Variants in SPHK2 observed in about 807,000 individuals in gnomAD.
The protein encoded by SPHK2 is sphingosine kinase 2.
SPHK2 carries 18 observed loss-of-function variants against 32.3 expected under a neutral mutation model. The ratio of observed to expected loss-of-function variants is 0.56; its 90% CI spans 0.39 to 0.83. The LOEUF is 0.83. SPHK2 is among the 40% of genes least tolerant of loss of function. SPHK2 has a pLI of 0.00. For synonymous variants in SPHK2, 462 were observed against 417.6 expected (o/e 1.11, Z -1.30); for missense variants, 850 against 908.7 (o/e 0.94, Z 0.83).
Position 48,626,314 on chromosome 19 carries a change from A to G in SPHK2, c.463A>G (p.Thr155Ala). 1.3e-6 allele frequency: 2 copies of G among 1,595,372 alleles called. No individual in the cohort carries two copies. Among genetic ancestry groups the G allele is most frequent in the Non-Finnish European group, 1.7e-6 (2 of 1,178,394 alleles). ...ENRAEAQRWATALTCLLRGLP... is the reference protein window; with the variant it reads ...ENRAEAQRWAAALTCLLRGLP... ...CCGTGCCGAGGCCCAGCGCTGGGCC[A>G]CTGCCCTCACCTGTCTGCTCCGAGG... is the stretch of plus-strand genomic sequence containing the variant. Residue 155 changes from threonine to alanine, a missense_variant, in exon 3 of 7, where the codon ACT becomes GCT. By Grantham distance (58) the Thr-to-Ala change is moderately conservative. Coordinates refer to ENST00000245222, the MANE Select transcript of SPHK2 (RefSeq NM_020126.5).
Position 48,625,906 on chromosome 19 carries a change from C to T in SPHK2, c.55C>T (p.Leu19=), listed in dbSNP as rs1445199184. The T allele has an allele frequency of 6.2e-7, 1 of 1,611,946 alleles. No homozygotes were observed. Among genetic ancestry groups the T allele is most frequent in the East Asian group, 2.2e-5 (1 of 44,870 alleles). Residue 19 remains leucine (L), a synonymous_variant, in exon 3 of 7, where the codon CTG becomes TTG. Transcript: ENST00000245222. The part of the protein sequence containing the change: ...EQQDQRPDQE[L]TGSWGHGPRS... ...CTTCCCACAGAGGCCAGACCAGGAG[C>T]TGACCGGGAGCTGGGGCCACGGGCC...
rs1306216857 is a variant in SPHK2 at position 48,620,264 on chromosome 19, G to A, written c.-113-138G>A. ...GCAACCAGATGGACTGGCTGGGGCA[G>A]TGATTAAAATGACTTATCTACTCTT... On this transcript the variant is annotated intron_variant, in intron 1 of 6. Coordinates refer to ENST00000245222, the MANE Select transcript of SPHK2 (RefSeq NM_020126.5). 7 of 492,554 alleles carry A rather than the reference G, an allele frequency of 1.4e-5. No homozygotes were observed. In the East Asian group the frequency reaches 2.2e-4, roughly 15 times the overall value. 30.5% of individuals were successfully genotyped at this position (492,554 alleles called of 1,614,324 possible).
intron 2 of SPHK2, 92 bp from the exon 3 acceptor site, chr19:48,625,799 C>T (rs752863328): frequency 1.2e-5 from 19 of 1,541,720 alleles, no homozygotes; most frequent in South Asian, 2.4e-5. Context: ...GCCACTGCCC[C>T]TCATTGTCTC....
chr19:48,628,837 G>A lies in SPHK2; in HGVS notation c.1029G>A (p.Val343=), dbSNP rs954567411. The A allele has an allele frequency of 1.9e-6, 3 of 1,613,772 alleles. No individual in the cohort carries two copies. Among genetic ancestry groups the A allele is most frequent in the South Asian group, 2.2e-5 (2 of 91,090 alleles). Residue 343 remains valine, a synonymous_variant, in exon 7 of 7, where the codon GTG becomes GTA. Coordinates refer to ENST00000245222, the MANE Select transcript of SPHK2 (RefSeq NM_020126.5). The surrounding 1 kb of genome is among the most constrained non-coding windows in gnomAD (Gnocchi z 5.2). ...LSVAWGFVSD[V]DIQSERFRAL... is the part of the protein sequence containing the mutation. ...TGGCCTGGGGCTTCGTGTCAGATGTGGATATCCAGAGCGAGCGCTTCAGGG... is the reference window on the plus strand; with the variant it reads ...TGGCCTGGGGCTTCGTGTCAGATGTAGATATCCAGAGCGAGCGCTTCAGGG...
intron 1 of SPHK2, 176 bp downstream of exon 1, chr19:48,619,719 C>T (rs1974322052): frequency 1.2e-5 from 2 of 161,426 alleles, no homozygotes; most frequent in South Asian, 2.8e-4. Flanking sequence ...TGCTGCACCT[C>T]AATCTATAGC....
In SPHK2 at chr19:48,629,291, C is replaced by G. The variant is rs749261400; in HGVS notation, c.1483C>G (p.Pro495Ala). The G allele has an allele frequency of 9.9e-6, 16 of 1,613,496 alleles. No individual in the cohort carries two copies. Among genetic ancestry groups the G allele is most frequent in the Non-Finnish European group, 1.3e-5 (15 of 1,179,992 alleles). ...CTCCGAAGGGGCCCCCGTAATTCCC[C>G]CATCCTCTGGGCTCCCACTTCCCAC... ...PVSEGAPVIP[P>A]SSGLPLPTPD... Residue 495 changes from proline (P) to alanine (A), a missense_variant, in exon 7 of 7, where the codon CCA becomes GCA. Coordinates refer to ENST00000245222, the MANE Select transcript of SPHK2 (RefSeq NM_020126.5).
chr19:48,620,659 C>G (rs1216050705), intron 2 of SPHK2, 106 bp downstream of exon 2: 2 of 1,005,044 alleles, frequency 2.0e-6, no homozygotes, highest in Non-Finnish European at 2.9e-6. Flanking sequence ...CGTGGTAGCT[C>G]AAGCTTGTAA....
At chr19:48,624,937 G>C in intron 2 of SPHK2, 1 of 986,632 alleles carries the variant, frequency 1.0e-6, no homozygotes, top group Non-Finnish European at 1.2e-6. Flanking sequence ...CTGGCAGGTG[G>C]CTGGGCGGGG....
rs148710464 is a variant in SPHK2, at chr19:48,626,084, G to C, written c.233G>C (p.Arg78Pro). Residue 78 changes from arginine (R) to proline (P), a missense_variant, in exon 3 of 7, where the codon CGG (arginine) becomes CCG (proline). Physicochemically the swap from Arg to Pro is moderately radical, Grantham distance 103 (BLOSUM62 -2). Around this residue, in one of 2 missense-constraint regions of SPHK2, gnomAD observed 544 missense variants for 640.0 expected, o/e 0.85. Transcript: ENST00000245222. ...ACATCGCAGGCCCTGCACATACAGC[G>C]GCTGCGCCCCAAACCTGAAGCCAGG... is the stretch of plus-strand genomic sequence containing the variant. Reference protein sequence around the residue: ...TLTSQALHIQRLRPKPEARPR... With the variant: ...TLTSQALHIQPLRPKPEARPR... 1.1e-5 allele frequency: 18 copies of C among 1,612,812 alleles called. No homozygotes were observed. The highest frequency in any genetic ancestry group is 1.4e-5 in the Non-Finnish European group (17 of 1,179,626).
In SPHK2 at chr19:48,628,361, C is replaced by T. The variant is rs565989007; in HGVS notation, c.872+84C>T. The T allele has an allele frequency of 1.5e-6, 2 of 1,314,836 alleles. No individual in the cohort carries two copies. Among genetic ancestry groups the T allele is most frequent in the East Asian group, 2.3e-5 (1 of 43,596 alleles). The allele number at this position is 1,314,836 out of a possible 1,614,324, so 81.4% of individuals were successfully genotyped here. ...TATATCTCCCACTCAGCCAAACCCACAGTCAGTCAAGTAAATCAGCCTGCC... is the reference window on the plus strand; with the variant it reads ...TATATCTCCCACTCAGCCAAACCCATAGTCAGTCAAGTAAATCAGCCTGCC... On this transcript the variant is annotated intron_variant, in intron 6 of 6. Transcript: ENST00000245222. This position sits in a 1 kb window ranked among gnomAD's most constrained non-coding sequence, Gnocchi z 5.2.
At chr19:48,627,887 C>T (rs747405799) in intron 4 of SPHK2, 46 bp downstream of exon 4, 46 of 1,584,960 alleles carry the variant, frequency 2.9e-5, no homozygotes, top group Non-Finnish European at 3.8e-5. Context: ...ACAGCTGAGT[C>T]CTAAGGGAGC....
rs1316094716 is a variant in SPHK2, at chr19:48,630,083, A to C, written c.*310A>C. The C allele has an allele frequency of 1.1e-5, 14 of 1,277,050 alleles. No homozygotes were observed. The highest frequency in any genetic ancestry group is 1.5e-5 in the African/African-American group (1 of 66,214). 79.1% of individuals were successfully genotyped at this position (1,277,050 alleles called of 1,614,324 possible). ...TGCCACCTGCTCCTACCCGGCCAGG[A>C]TGGCTGAGGGCGGAGTCTATTTTAC... On this transcript the variant is annotated 3_prime_UTR_variant, in exon 7 of 7. Transcript: ENST00000245222. The surrounding 1 kb of genome is among the most constrained non-coding windows in gnomAD (Gnocchi z 4.9).
At chr19:48,626,433 C>A in intron 3 of SPHK2, 71 bp downstream of exon 3, 2 of 1,453,810 alleles carry the variant, frequency 1.4e-6, no homozygotes, top group Non-Finnish European at 1.8e-6. Context: ...CCATAGGCAG[C>A]TGTGTCTTTA....
At chr19:48,622,613 C>G (rs1710260164) in intron 2 of SPHK2, among the ~76,000 whole-genome samples, 1 of 152,116 alleles carries the variant, frequency 6.6e-6, no homozygotes, top group Non-Finnish European at 1.5e-5. Flanking sequence ...GTTGCTGTGC[C>G]CCAGTCTCAG....
At position 48,629,566 on chromosome 19, in the gene SPHK2, C is replaced by T; in HGVS notation, c.1758C>T (p.Ala586=). The change falls in exon 7 of 7, where the codon GCC becomes GCT. Residue 586 remains alanine (A), a synonymous_variant. Coordinates refer to ENST00000245222, the MANE Select transcript of SPHK2 (RefSeq NM_020126.5). The part of the protein sequence containing the change: ...SRAALLRLFL[A]MERGSHFSLG... ...CTGCGCTGCTGCGCCTTTTCTTGGCCATGGAGCGTGGTAGCCACTTCAGCC... is the reference window on the plus strand; with the variant it reads ...CTGCGCTGCTGCGCCTTTTCTTGGCTATGGAGCGTGGTAGCCACTTCAGCC... 6.2e-7 allele frequency: 1 copy of T among 1,600,802 alleles called. No homozygotes were observed.
chr19:48,630,081 G>A lies in SPHK2; in HGVS notation c.*308G>A. The A allele has an allele frequency of 7.8e-7, 1 of 1,279,798 alleles. No homozygotes were observed. The highest frequency in any genetic ancestry group is 9.9e-7 in the Non-Finnish European group (1 of 1,013,220). 79.3% of individuals were successfully genotyped at this position (1,279,798 alleles called of 1,614,324 possible). A position where few individuals can be genotyped will look rare whatever the true frequency, so the allele number is the denominator to read the frequency against. On this transcript the variant is annotated 3_prime_UTR_variant, in exon 7 of 7. Coordinates refer to ENST00000245222, the MANE Select transcript of SPHK2 (RefSeq NM_020126.5). This position sits in a 1 kb window ranked among gnomAD's most constrained non-coding sequence, Gnocchi z 4.9. ...CTTGCCACCTGCTCCTACCCGGCCA[G>A]GATGGCTGAGGGCGGAGTCTATTTT...
chr19:48,629,260 ACCC>A lies in SPHK2; in HGVS notation c.1453_1455del (p.Pro485del). 1 of 1,613,138 alleles carries A rather than the reference ACCC, an allele frequency of 6.2e-7. No individual in the cohort carries two copies. Among genetic ancestry groups the A allele is most frequent in the East Asian group, 2.2e-5 (1 of 44,834 alleles). On this transcript the variant is annotated inframe_deletion, in exon 7 of 7. Coordinates refer to ENST00000245222, the MANE Select transcript of SPHK2 (RefSeq NM_020126.5). ...GCTCTCCCAAGGCAGCTCTACACTC[ACCC>A]GTCTCCGAAGGGGCCCCCGTAATTC...
intron 2 of SPHK2, chr19:48,625,555 A>G: frequency 7.5e-7 from 1 of 1,325,522 alleles, no homozygotes; most frequent in Non-Finnish European, 9.9e-7. Flanking sequence ...TCTCTTGTTT[A>G]TCTATTCCTA....
In SPHK2 at chr19:48,625,972, C is replaced by T. The variant is rs867313034; in HGVS notation, c.121C>T (p.Pro41Ser). ...CAGGGCTAAGGCCATGGCCCCGCCC[C>T]CACCGCCACTGGCTGCCAGCACCCC... The part of the protein sequence containing the change: ...LVRAKAMAPP[P>S]PPLAASTPLL... Residue 41 changes from proline to serine, a missense_variant, in exon 3 of 7, where the codon CCA becomes TCA. By Grantham distance (74) the Pro-to-Ser change is moderately conservative. Around this residue, in one of 2 missense-constraint regions of SPHK2, gnomAD observed 544 missense variants for 640.0 expected, o/e 0.85. Coordinates refer to ENST00000245222, the MANE Select transcript of SPHK2 (RefSeq NM_020126.5). The T allele has an allele frequency of 3.7e-6, 6 of 1,612,868 alleles. No homozygotes were observed. Among genetic ancestry groups the T allele is most frequent in the Non-Finnish European group, 5.1e-6 (6 of 1,179,856 alleles).
Sources: gnomAD v4.1 joint callset for allele counts (sites outside exome capture counted in the v4.1 genomes callset) on GRCh38, gnomAD v4.1.1 for gene constraint, gnomAD v4.1.1 regional missense constraint, Gnocchi (gnomAD v3.1) non-coding constraint, MANE v1.5 for transcripts, NCBI Gene and HGNC (gene_info 2026-07-23, HGNC 2026-07-21) for gene names.